PSMC6: variants seen among roughly 807,000 people sequenced by gnomAD.
The protein encoded by PSMC6 is proteasome 26S subunit, ATPase 6.
In PSMC6, 3 loss-of-function variants were observed where a neutral mutation model predicts 55.9. The ratio of observed to expected loss-of-function variants is 0.05; its 90% CI spans 0.02 to 0.14. The LOEUF is 0.14. Among genes scored for constraint, PSMC6 ranks in the 10% least tolerant of loss-of-function variants. The pLI, the probability that PSMC6 is intolerant of heterozygous loss-of-function variation, is 1.00. For synonymous variants in PSMC6, 137 were observed against 155.9 expected (o/e 0.88, Z 0.90); for missense variants, 210 against 478.7 (o/e 0.44, Z 5.24).
intron 7 of PSMC6, among the ~76,000 whole-genome samples, chr14:52,717,120 A>G (rs1042823303): frequency 6.6e-6 from 1 of 152,194 alleles, no homozygotes; most frequent in South Asian, 2.1e-4. Flanking sequence ...AAAATTGCTA[A>G]AAGTAGATTT....
At chr14:52,724,143 T>C in intron 13 of PSMC6, 107 bp downstream of exon 13, 1 of 999,608 alleles carries the variant, frequency 1.0e-6, no homozygotes, top group Non-Finnish European at 1.5e-6. Flanking sequence ...AGGATTTGGG[T>C]TCATGCTGTT....
Position 52,708,371 on chromosome 14 carries a change from C to G in PSMC6, c.148C>G (p.Leu50Val). The change falls in exon 2 of 14, where the codon CTA (leucine) becomes GTA (valine). Residue 50 changes from leucine to valine, a missense_variant. This residue lies in a region of PSMC6 where 101 missense variants were observed against 250.4 expected (regional missense o/e 0.40). Transcript: ENST00000445930. Reference protein sequence around the residue: ...YEKSENDLKALQSVGQIVGEV... With the variant: ...YEKSENDLKAVQSVGQIVGEV... ...AAAGTCTGAAAATGATCTGAAGGCC[C>G]TACAGAGTGTTGGGCAGGTAGGTGA... 6.2e-7 allele frequency: 1 copy of G among 1,613,650 alleles called. No homozygotes were observed. The highest frequency in any genetic ancestry group is 2.2e-5 in the East Asian group (1 of 44,846).
Position 52,707,212 on chromosome 14 carries a change from T to C in PSMC6, c.-8T>C. 6.2e-7 allele frequency: 1 copy of C among 1,606,636 alleles called. No individual in the cohort carries two copies. The highest frequency in any genetic ancestry group is 8.5e-7 in the Non-Finnish European group (1 of 1,176,576). ...CCCGGCATCCCCTATGAGAGACGGC[T>C]TCTCATCATGGCGGACCCTAGAGAT... On this transcript the variant is annotated 5_prime_UTR_variant, in exon 1 of 14. Coordinates refer to ENST00000445930, the MANE Select transcript of PSMC6 (RefSeq NM_002806.5).
At position 52,719,058 on chromosome 14, in the gene PSMC6, G is replaced by T; in HGVS notation, c.777+20G>T. 1 of 1,574,072 alleles carries T rather than the reference G, an allele frequency of 6.4e-7. No homozygotes were observed. On this transcript the variant is annotated intron_variant, in intron 10 of 13. Coordinates refer to ENST00000445930, the MANE Select transcript of PSMC6 (RefSeq NM_002806.5). ...ATGGAGGTAATATTTGGTAAAGGGG[G>T]TTTATAAAGAAACCAATGTTTATTA...
chr14:52,717,128 T>C (rs926926475), intron 7 of PSMC6, among the ~76,000 whole-genome samples: 1 of 152,186 alleles, frequency 6.6e-6, no homozygotes, highest in Admixed American at 6.5e-5. Flanking sequence ...TAAAAGTAGA[T>C]TTTAAATGTT....
intron 6 of PSMC6, among the ~76,000 whole-genome samples, chr14:52,712,455 G>A (rs1345658909): frequency 1.3e-5 from 2 of 151,296 alleles, no homozygotes; most frequent in Non-Finnish European, 2.9e-5. Context: ...TTCATAAAAC[G>A]GTGAAAACTT....
intron 12 of PSMC6, 94 bp from the exon 13 acceptor site, chr14:52,723,871 C>CA (rs1880294456): frequency 1.3e-6 from 2 of 1,534,868 alleles, no homozygotes; most frequent in Non-Finnish European, 1.8e-6. Context: ...TGATCAAACT[C>CA]AAAGTAAGCT....
At chr14:52,717,993 C>G in intron 7 of PSMC6, 88 bp from the exon 8 acceptor site, 1 of 1,248,288 alleles carries the variant, frequency 8.0e-7, no homozygotes, top group Non-Finnish European at 1.2e-6. Context: ...TCGCCACACT[C>G]CAGCCTAGGT....
chr14:52,707,323 C>A lies in PSMC6; in HGVS notation c.85+19C>A, dbSNP rs750405059. 9 of 1,613,444 alleles carry A rather than the reference C, an allele frequency of 5.6e-6. No homozygotes were observed. In the East Asian group the frequency reaches 1.8e-4, roughly 32 times the overall value. On this transcript the variant is annotated intron_variant, in intron 1 of 13. Coordinates refer to ENST00000445930, the MANE Select transcript of PSMC6 (RefSeq NM_002806.5). The stretch of plus-strand genomic sequence containing the variant: ...AAGGAGTGTGAGTGCACCTTTCTTT[C>A]CATTTAATCAAGTGCCTCGACTCGC...
Position 52,719,058 on chromosome 14 carries a change from G to C in PSMC6, c.777+20G>C, listed in dbSNP as rs762929350. 15 of 1,574,072 alleles carry C rather than the reference G, an allele frequency of 9.5e-6. No homozygotes were observed. Among genetic ancestry groups the C allele is most frequent in the Non-Finnish European group, 1.1e-5 (13 of 1,145,522 alleles). ...ATGGAGGTAATATTTGGTAAAGGGG[G>C]TTTATAAAGAAACCAATGTTTATTA... On this transcript the variant is annotated intron_variant, in intron 10 of 13. Transcript: ENST00000445930.
intron 10 of PSMC6, among the ~76,000 whole-genome samples, chr14:52,719,325 G>A (rs2041864199): frequency 6.6e-6 from 1 of 152,118 alleles, no homozygotes; most frequent in Non-Finnish European, 1.5e-5. Context: ...TGATCTTGCG[G>A]TAGTTTTATG....
intron 7 of PSMC6, among the ~76,000 whole-genome samples, chr14:52,716,494 C>G (rs901220400): frequency 6.6e-6 from 1 of 152,150 alleles, no homozygotes; most frequent in Non-Finnish European, 1.5e-5. Context: ...TGGCTCATAC[C>G]TGTAGTGCCA....
chr14:52,708,066 A>T (rs2041723393), intron 1 of PSMC6, among the ~76,000 whole-genome samples: 1 of 152,212 alleles, frequency 6.6e-6, no homozygotes, highest in African/African-American at 2.4e-5. Context: ...ATAACTTAAG[A>T]TGTGCTTAAA....
intron 13 of PSMC6, 150 bp downstream of exon 13, chr14:52,724,186 GC>G (rs1477828410): frequency 5.8e-6 from 4 of 686,304 alleles, no homozygotes; most frequent in Non-Finnish European, 9.7e-6. Flanking sequence ...AATAGGAGAA[GC>G]AGGGCAAGTG....
chr14:52,720,367 C>CAAAAAAAAAAAAA (rs71444775), intron 10 of PSMC6, among the ~76,000 whole-genome samples: 8 of 41,482 alleles, frequency 1.9e-4, no homozygotes, highest in African/African-American at 5.3e-4. Context: ...AACTCTGTCT[C>CAAAAAAAAAAAAA]AAAAAAAAAA....
rs772441216 is a variant in PSMC6, at chr14:52,718,309, T to C, written c.672T>C (p.Asp224=). The C allele has an allele frequency of 6.2e-7, 1 of 1,613,178 alleles. No homozygotes were observed. The highest frequency in any genetic ancestry group is 1.7e-5 in the Admixed American group (1 of 60,002). ...GAGAAATGTTTAATTATGCTAGAGA[T>C]CATCAACCATGCATCATTTTTATGG... is the stretch of plus-strand genomic sequence containing the variant. ...LIREMFNYAR[D]HQPCIIFMDE... Residue 224 remains aspartate, a synonymous_variant, in exon 9 of 14, where the codon GAT becomes GAC. Transcript: ENST00000445930.
intron 9 of PSMC6, chr14:52,718,772 G>A (rs939796851): frequency 3.1e-5 from 17 of 544,900 alleles, no homozygotes; most frequent in African/African-American, 1.3e-4. Flanking sequence ...GCGACAGAGC[G>A]AGACTCCGTC....
chr14:52,725,890 T>G (rs1442145451), intron 13 of PSMC6, among the ~76,000 whole-genome samples: 1 of 152,264 alleles, frequency 6.6e-6, no homozygotes, highest in Non-Finnish European at 1.5e-5. Flanking sequence ...TTTACAAAAA[T>G]AACTTACCTA....
chr14:52,712,126 C>T (rs1450966803), intron 6 of PSMC6, among the ~76,000 whole-genome samples: 1 of 152,110 alleles, frequency 6.6e-6, no homozygotes, highest in Admixed American at 6.6e-5. Flanking sequence ...CTAAATTAGG[C>T]TGTGAATATT....
Sources: allele counts gnomAD v4.1 joint callset (sites outside exome capture counted in the v4.1 genomes callset), GRCh38; gene constraint gnomAD v4.1.1; regional missense constraint gnomAD v4.1.1; transcripts MANE v1.5; gene names NCBI Gene and HGNC (gene_info 2026-07-23, HGNC 2026-07-21).